The following ADSL variants were observed in gnomAD, a reference collection of about 807,000 sequenced individuals.
ADSL encodes the protein adenylosuccinate lyase, also known as adenylosuccinase.
Under a neutral mutation model 62.1 loss-of-function variants are expected in ADSL, and 44 were observed. The observed-to-expected ratio is 0.71, with a 90% CI of 0.56 to 0.91. The LOEUF is 0.91. ADSL is among the 40% of genes least tolerant of loss of function. The pLI, the probability that ADSL is intolerant of heterozygous loss-of-function variation, is 0.00. For synonymous variants in ADSL, 198 were observed against 220.5 expected (o/e 0.90, Z 0.90); for missense variants, 531 against 627.4 (o/e 0.85, Z 1.64).
At chr22:40,380,176 G>A (rs1225722107) in intron 2 of ADSL, among the ~76,000 whole-genome samples, 2 of 152,128 alleles carry the variant, frequency 1.3e-5, no homozygotes, top group Non-Finnish European at 1.5e-5. Flanking sequence ...TTTATACAGT[G>A]CTGGAAATGT....
chr22:40,363,229 T>C lies in ADSL; in HGVS notation c.1101+158T>C, dbSNP rs2068470. 0.032 allele frequency: 22,523 copies of C among 702,226 alleles called. 465 individuals carry two copies. Among genetic ancestry groups the C allele is most frequent in the Middle Eastern group, 0.053 (209 of 3,970 alleles). 43.5% of individuals were successfully genotyped at this position (702,226 alleles called of 1,614,324 possible). On this transcript the variant is annotated intron_variant, in intron 10 of 12. Transcript: ENST00000623063. Reference sequence around the variant, plus strand: ...TTCATAAGCTCTAGGGAACTAGCTCTGTGGAATTCATAGACACATTATAGA... The same window carrying C: ...TTCATAAGCTCTAGGGAACTAGCTCCGTGGAATTCATAGACACATTATAGA...
chr22:40,386,747 G>A (rs1240383168), intron 2 of ADSL, among the ~76,000 whole-genome samples: 1 of 151,612 alleles, frequency 6.6e-6, no homozygotes, highest in Non-Finnish European at 1.5e-5. Context: ...CAAAAAGTAT[G>A]AGAGATGAAC....
intron 10 of ADSL, 117 bp from the exon 11 acceptor site, chr22:40,364,159 C>A: frequency 1.3e-6 from 1 of 770,618 alleles, no homozygotes; most frequent in Non-Finnish European, 2.2e-6. Flanking sequence ...CAACTTGTTA[C>A]TCTCCATAAT....
At chr22:40,353,924 C>T (rs2146637533) in intron 3 of ADSL, 5 of 417,386 alleles carry the variant, frequency 1.2e-5, no homozygotes, top group Non-Finnish European at 2.2e-5. Flanking sequence ...CCGCGCCCGG[C>T]CCAAGCATAG....
intron 2 of ADSL, among the ~76,000 whole-genome samples, chr22:40,351,185 TTG>T (rs1555905071): frequency 1.3e-5 from 2 of 151,808 alleles, no homozygotes; most frequent in Admixed American, 1.3e-4. Flanking sequence ...TTTTTTTTTT[TTG>T]GAGACAGAGT....
Position 40,356,062 on chromosome 22 carries a change from C to T in ADSL, c.482+1735C>T, listed in dbSNP as rs572791617. On this transcript the variant is annotated intron_variant, in intron 4 of 12. Transcript: ENST00000623063. ...AAAAAAAAAAAAAAAATTAGCCGGACGCAGTGGCGCATGCCTATAGTCCCA... is the reference window on the plus strand; with the variant it reads ...AAAAAAAAAAAAAAAATTAGCCGGATGCAGTGGCGCATGCCTATAGTCCCA... Among the ~76,000 whole-genome samples the T allele has an allele frequency of 3.1e-4, 47 of 150,544 alleles. 3 individuals carry two copies. In the South Asian group the frequency reaches 5.7e-3, roughly 18 times the overall value.
At chr22:40,351,457 C>T (rs1208949413) in intron 2 of ADSL, among the ~76,000 whole-genome samples, 1 of 152,128 alleles carries the variant, frequency 6.6e-6, no homozygotes, top group East Asian at 1.9e-4. Context: ...CAGGCGTTAG[C>T]CACCACGCCT....
At chr22:40,372,240 C>T (rs2045718714), downstream of ADSL, among the ~76,000 whole-genome samples, 1 of 151,020 alleles carries the variant, frequency 6.6e-6, no homozygotes, top group African/African-American at 2.4e-5. Context: ...CATTCTCCTG[C>T]CTCAGCCTCC....
At chr22:40,350,657 C>T (rs1422933349) in intron 2 of ADSL, among the ~76,000 whole-genome samples, 1 of 151,768 alleles carries the variant, frequency 6.6e-6, no homozygotes, top group African/African-American at 2.4e-5. Flanking sequence ...CTTGCTCTGT[C>T]ACCCAGGCGG....
chr22:40,377,005 T>G (rs1277458106), intron 2 of ADSL, among the ~76,000 whole-genome samples: 1 of 152,222 alleles, frequency 6.6e-6, no homozygotes, highest in Admixed American at 6.5e-5. Context: ...TTGGTCACTT[T>G]CCCAGTCATG....
rs1462921406 is a variant in ADSL, at chr22:40,361,506, A to G, written c.881A>G (p.Tyr294Cys). 1 of 1,614,208 alleles carries G rather than the reference A, an allele frequency of 6.2e-7. No individual in the cohort carries two copies. Among genetic ancestry groups the G allele is most frequent in the Admixed American group, 1.7e-5 (1 of 60,026 alleles). Reference sequence around the variant, plus strand: ...TGGGCAGGCTCAAGTGCGATGCCATATAAGCGGAATCCCATGCGTTCAGAA... The same window carrying G: ...TGGGCAGGCTCAAGTGCGATGCCATGTAAGCGGAATCCCATGCGTTCAGAA... ...KQQIGSSAMP[Y>C]KRNPMRSERC... The change falls in exon 9 of 13, where the codon TAT becomes TGT. Residue 294 changes from tyrosine to cysteine, a missense_variant. Coordinates refer to ENST00000623063, the MANE Select transcript of ADSL (RefSeq NM_000026.4).
At chr22:40,353,878 G>A (rs1259672354) in intron 3 of ADSL, 1 of 336,774 alleles carries the variant, frequency 3.0e-6, no homozygotes, top group Non-Finnish European at 5.6e-6. Flanking sequence ...CGCCCGTCTT[G>A]GCCTCACAAA....
In ADSL at chr22:40,349,903, G is replaced by C; in HGVS notation, c.225G>C (p.Lys75Asn). Residue 75 changes from lysine (K) to asparagine (N), a missense_variant, in exon 2 of 13, where the codon AAG becomes AAC. Physicochemically the swap from Lys to Asn is moderately conservative, Grantham distance 94. Transcript: ENST00000623063. The stretch of plus-strand genomic sequence containing the variant: ...CAAACCTGGAGAACATCGACTTCAA[G>C]ATGGCAGCTGAGGAAGAGAAACGTT... ...MKSNLENIDFKMAAEEEKRLR... is the reference protein window; with the variant it reads ...MKSNLENIDFNMAAEEEKRLR... 1 of 1,614,174 alleles carries C rather than the reference G, an allele frequency of 6.2e-7. No homozygotes were observed. The highest frequency in any genetic ancestry group is 8.5e-7 in the Non-Finnish European group (1 of 1,180,042).
chr22:40,360,545 A>G, intron 7 of ADSL, 53 bp downstream of exon 7: 1 of 1,268,670 alleles, frequency 7.9e-7, no homozygotes, highest in Non-Finnish European at 1.2e-6. Context: ...CACCACAGAC[A>G]GACTGAATTA....
At chr22:40,354,136 T>C in intron 3 of ADSL, 112 bp from the exon 4 acceptor site, 1 of 984,060 alleles carries the variant, frequency 1.0e-6, no homozygotes, top group Non-Finnish European at 1.6e-6. Flanking sequence ...CTGCTGCCTT[T>C]CATGAGTTAG....
At chr22:40,349,483 T>C (rs1448400122) in intron 1 of ADSL, among the ~76,000 whole-genome samples, 1 of 151,258 alleles carries the variant, frequency 6.6e-6, no homozygotes, top group Non-Finnish European at 1.5e-5. Context: ...CAAGCGATTC[T>C]CCAACCTCAG....
Position 40,358,992 on chromosome 22 carries a change from C to T in ADSL, c.611C>T (p.Thr204Ile), listed in dbSNP as rs745524617. The T allele has an allele frequency of 6.2e-7, 1 of 1,614,066 alleles. No homozygotes were observed. Among genetic ancestry groups the T allele is most frequent in the Non-Finnish European group, 8.5e-7 (1 of 1,180,046 alleles). The change falls in exon 5 of 13, where the codon ACT becomes ATT. Residue 204 changes from threonine to isoleucine, a missense_variant. Coordinates refer to ENST00000623063, the MANE Select transcript of ADSL (RefSeq NM_000026.4). ...RFRGVKGTTG[T>I]QASFLQLFEG... ...CGGGGAGTAAAGGGTACCACTGGCA[C>T]TCAGGCCAGTTTCCTGCAGCTCTTT...
chr22:40,378,526 C>T (rs181909129), intron 2 of ADSL, among the ~76,000 whole-genome samples: 172 of 151,764 alleles, frequency 1.1e-3, no homozygotes, highest in Non-Finnish European at 6.9e-4. Context: ...GGTGGGAGTT[C>T]GAGACCAACC....
chr22:40,381,751 T>G (rs1463223103), intron 2 of ADSL, among the ~76,000 whole-genome samples: 1 of 152,092 alleles, frequency 6.6e-6, no homozygotes, highest in African/African-American at 2.4e-5. Flanking sequence ...GGCCAAGAGT[T>G]CAAGACTGGC....
Sources: allele counts gnomAD v4.1 joint callset (sites outside exome capture counted in the v4.1 genomes callset), GRCh38; gene constraint gnomAD v4.1.1; transcripts MANE v1.5; gene names NCBI Gene and HGNC (gene_info 2026-07-23, HGNC 2026-07-21).